The following CSMD1 variants were observed in gnomAD, a reference collection of about 807,000 sequenced individuals.
The protein encoded by CSMD1 is CUB and Sushi multiple domains 1, also known as CUB and sushi domain-containing protein 1.
A neutral mutation model predicts 417.5 loss-of-function variants in CSMD1; 213 were observed. The ratio of observed to expected loss-of-function variants is 0.51; its 90% CI spans 0.46 to 0.57. The LOEUF is 0.57. Ranked by LOEUF, CSMD1 falls within the 20% of genes least tolerant of loss-of-function variation. CSMD1 has a pLI of 0.00. For synonymous variants in CSMD1, 2,862 were observed against 1,736.8 expected (o/e 1.65, Z -16.11); for missense variants, 6,923 against 4,529.7 (o/e 1.53, Z -15.17).
At chr8:4,530,139 T>C (rs968738211) in intron 2 of CSMD1, among the ~76,000 whole-genome samples, 1 of 151,650 alleles carries the variant, frequency 6.6e-6, no homozygotes, top group Non-Finnish European at 1.5e-5. Context: ...GGTCTCGATC[T>C]CCTGACCTTG....
chr8:4,947,280 C>G (rs1808432233), intron 1 of CSMD1, among the ~76,000 whole-genome samples: 1 of 152,182 alleles, frequency 6.6e-6, no homozygotes, highest in African/African-American at 2.4e-5. Flanking sequence ...ATAATAAACT[C>G]AGGAAACCTA....
At chr8:3,755,422 C>T (rs1341842748) in intron 5 of CSMD1, among the ~76,000 whole-genome samples, 2 of 152,146 alleles carry the variant, frequency 1.3e-5, no homozygotes, top group Non-Finnish European at 2.9e-5. Context: ...TATTTTGCAT[C>T]TTGGTAACAA....
chr8:3,141,952 T>C (rs544720735), intron 41 of CSMD1, among the ~76,000 whole-genome samples: 4,347 of 151,988 alleles, frequency 0.029, 82 homozygotes, highest in African/African-American at 0.047. Context: ...CGCCCGCCAC[T>C]ATGCCCAGCT....
intron 12 of CSMD1, among the ~76,000 whole-genome samples, chr8:3,422,366 C>T (rs1813550087): frequency 6.6e-6 from 1 of 152,074 alleles, no homozygotes; most frequent in Non-Finnish European, 1.5e-5. Context: ...GAAAGAGGAA[C>T]CAAGAATCTT....
At chr8:4,269,905 A>G (rs539048674) in intron 3 of CSMD1, among the ~76,000 whole-genome samples, 2 of 152,326 alleles carry the variant, frequency 1.3e-5, no homozygotes, top group East Asian at 3.9e-4. Flanking sequence ...GAATTCCATT[A>G]CAGATGGAGG....
intron 2 of CSMD1, among the ~76,000 whole-genome samples, chr8:4,605,555 T>C (rs1224353211): frequency 2.0e-5 from 3 of 152,214 alleles, no homozygotes; most frequent in Admixed American, 1.3e-4. Context: ...CAAATGATAA[T>C]TATCTTTTCT....
At chr8:4,674,936 G>A (rs1805581005) in intron 1 of CSMD1, among the ~76,000 whole-genome samples, 1 of 152,114 alleles carries the variant, frequency 6.6e-6, no homozygotes, top group Non-Finnish European at 1.5e-5. Context: ...TGCTAGAGAG[G>A]CTGCTTCCTC....
At chr8:4,388,346 G>T (rs77040250) in intron 3 of CSMD1, among the ~76,000 whole-genome samples, 11,098 of 112,276 alleles carry the variant, frequency 0.099, 1,197 homozygotes, top group African/African-American at 0.29. Flanking sequence ...ACACACACAC[G>T]AACACATGAT....
intron 3 of CSMD1, among the ~76,000 whole-genome samples, chr8:4,063,062 TGA>T (rs1278357889): frequency 5.4e-4 from 82 of 152,232 alleles, no homozygotes; most frequent in African/African-American, 1.7e-3. Flanking sequence ...GATAAATATA[TGA>T]GAGAGAAGAA....
intron 2 of CSMD1, among the ~76,000 whole-genome samples, chr8:4,574,252 G>T (rs1015965990): frequency 6.6e-6 from 1 of 152,212 alleles, no homozygotes; most frequent in Non-Finnish European, 1.5e-5. Flanking sequence ...CCCTGGTGGT[G>T]TAGGCATCTG....
intron 5 of CSMD1, among the ~76,000 whole-genome samples, chr8:3,808,787 A>G (rs1324352394): frequency 6.6e-6 from 1 of 152,166 alleles, no homozygotes; most frequent in Non-Finnish European, 1.5e-5. Flanking sequence ...TTTGTCTCGG[A>G]ATTGGAAAAT....
intron 1 of CSMD1, among the ~76,000 whole-genome samples, chr8:4,750,145 A>G (rs1811217104): frequency 6.6e-6 from 1 of 152,056 alleles, no homozygotes; most frequent in Non-Finnish European, 1.5e-5. Context: ...AGCTGGGACT[A>G]CAGGCGCCCG....
chr8:4,788,765 A>T (rs906289051), intron 1 of CSMD1, among the ~76,000 whole-genome samples: 2 of 152,204 alleles, frequency 1.3e-5, no homozygotes, highest in Non-Finnish European at 2.9e-5. Flanking sequence ...AAAATAAAAA[A>T]AAATAAAGGG....
At chr8:4,861,975 A>G (rs1046944636) in intron 1 of CSMD1, among the ~76,000 whole-genome samples, 1 of 152,130 alleles carries the variant, frequency 6.6e-6, no homozygotes, top group African/African-American at 2.4e-5. Flanking sequence ...AATATTATGC[A>G]TTAACTAGTA....
intron 42 of CSMD1, among the ~76,000 whole-genome samples, chr8:3,111,837 T>A (rs1003075974): frequency 6.6e-6 from 1 of 151,838 alleles, no homozygotes; most frequent in African/African-American, 2.4e-5. Context: ...CTAAAAATAA[T>A]AATAATAATA....
At chr8:4,692,251 A>G (rs1806815305) in intron 1 of CSMD1, among the ~76,000 whole-genome samples, 1 of 152,136 alleles carries the variant, frequency 6.6e-6, no homozygotes, top group Admixed American at 6.5e-5. Flanking sequence ...CACTCCCAAC[A>G]GTCAAGTCTT....
At chr8:4,461,133 CAAT>C (rs1799791391) in intron 2 of CSMD1, among the ~76,000 whole-genome samples, 1 of 145,940 alleles carries the variant, frequency 6.9e-6, no homozygotes, top group Non-Finnish European at 1.5e-5. Context: ...TGTGCCATAA[CAAT>C]AAAATAAAGT....
chr8:4,658,904 T>C (rs547500173), intron 1 of CSMD1, among the ~76,000 whole-genome samples: 22 of 152,288 alleles, frequency 1.4e-4, no homozygotes, highest in African/African-American at 4.8e-4. Context: ...TTCTATGTTA[T>C]TGAAAATACG....
intron 3 of CSMD1, among the ~76,000 whole-genome samples, chr8:4,053,046 G>T (rs190368356): frequency 6.6e-6 from 1 of 152,162 alleles, no homozygotes; most frequent in African/African-American, 2.4e-5. Context: ...CCTCTAACCA[G>T]AGGAGTCCTT....
Sources: allele counts gnomAD v4.1 joint callset (sites outside exome capture counted in the v4.1 genomes callset), GRCh38; gene constraint gnomAD v4.1.1; transcripts MANE v1.5; gene names NCBI Gene and HGNC (gene_info 2026-07-23, HGNC 2026-07-21).